PHLPP2: variants seen among roughly 807,000 people sequenced by gnomAD.
PHLPP2 encodes the protein PH domain leucine-rich repeat-containing protein phosphatase 2.
A neutral mutation model predicts 124.9 loss-of-function variants in PHLPP2; 66 were observed. That is an observed-to-expected ratio of 0.53 (90% CI 0.43 to 0.65). PHLPP2 has a LOEUF of 0.65. Among genes scored for constraint, PHLPP2 ranks in the 30% least tolerant of loss-of-function variants. PHLPP2 has a pLI of 0.00. For synonymous variants in PHLPP2, 681 were observed against 624.7 expected (o/e 1.09, Z -1.34); for missense variants, 1,685 against 1,600.4 (o/e 1.05, Z -0.90).
chr16:71,702,210 A>G (rs971174881), intron 3 of PHLPP2, among the ~76,000 whole-genome samples: 1 of 152,242 alleles, frequency 6.6e-6, no homozygotes, highest in African/African-American at 2.4e-5. Context: ...AGGTATACTC[A>G]TCAACGTCAA....
At chr16:71,703,555 G>C (rs1401914186) in intron 2 of PHLPP2, among the ~76,000 whole-genome samples, 2 of 151,954 alleles carry the variant, frequency 1.3e-5, no homozygotes, top group Non-Finnish European at 2.9e-5. Flanking sequence ...GGCTATAATA[G>C]TCATAATAGC....
At chr16:71,719,964 A>ATT (rs756642820) in intron 1 of PHLPP2, among the ~76,000 whole-genome samples, 31,936 of 53,068 alleles carry the variant, frequency 0.6, 10,833 homozygotes, top group South Asian at 0.79. Context: ...TGCCCAGCTA[A>ATT]TTTTTTTTTT....
At position 71,648,885 on chromosome 16, in the gene PHLPP2, G is replaced by GGTCACACACTGCTGTGTGTGCCCA. The variant is rs766925624; in HGVS notation, c.*4_*5insTGGGCACACACAGCAGTGTGTGAC. The stretch of plus-strand genomic sequence containing the variant: ...CCTCCTCCCACACTGTGCCCAGTGG[G>GGTCACACACTGCTGTGTGTGCCCA]GCAGTCATAGTGCTGTGTCGAACTC... On this transcript the variant is annotated 3_prime_UTR_variant, in exon 19 of 19. Coordinates refer to ENST00000568954, the MANE Select transcript of PHLPP2 (RefSeq NM_015020.3). The GGTCACACACTGCTGTGTGTGCCCA allele has an allele frequency of 2.5e-6, 4 of 1,606,712 alleles. No individual in the cohort carries two copies. The highest frequency in any genetic ancestry group is 3.4e-6 in the Non-Finnish European group (4 of 1,175,288).
chr16:71,700,869 G>A (rs1364518996), intron 3 of PHLPP2, among the ~76,000 whole-genome samples: 1 of 152,158 alleles, frequency 6.6e-6, no homozygotes, highest in Non-Finnish European at 1.5e-5. Context: ...AAGTAAAGGT[G>A]ACTTACAAAG....
intron 5 of PHLPP2, among the ~76,000 whole-genome samples, chr16:71,682,669 C>A (rs2045013722): frequency 1.3e-5 from 2 of 152,048 alleles, no homozygotes. Context: ...AAAAGACACT[C>A]AAAAAATATT....
At chr16:71,714,430 A>T in intron 2 of PHLPP2, 82 bp downstream of exon 2, 2 of 1,437,352 alleles carry the variant, frequency 1.4e-6, no homozygotes, top group South Asian at 3.2e-5. Flanking sequence ...GGCAGAATTA[A>T]AATCCTAAAG....
rs2045403804 is a variant in PHLPP2, at chr16:71,722,356, C to T, written c.-7+1973G>A. On this transcript the variant is annotated intron_variant, in intron 1 of 18. Transcript: ENST00000568954. ...GGCTGAGGCAGGAGAATCGCTTGAA[C>T]CCTGGAGGCAGAGGTTGCAGAGATC... Among the ~76,000 whole-genome samples, 4 of 152,134 alleles carry T rather than the reference C, an allele frequency of 2.6e-5. No individual in the cohort carries two copies. In the South Asian group the frequency reaches 8.3e-4, roughly 32 times the overall value.
At chr16:71,703,420 A>T (rs2045249736) in intron 2 of PHLPP2, among the ~76,000 whole-genome samples, 1 of 152,226 alleles carries the variant, frequency 6.6e-6, no homozygotes, top group South Asian at 2.1e-4. Context: ...AAGCTAAGGT[A>T]AAACCAGAAT....
chr16:71,692,704 G>A (rs2045127109), intron 3 of PHLPP2, among the ~76,000 whole-genome samples: 1 of 152,062 alleles, frequency 6.6e-6, no homozygotes, highest in African/African-American at 2.4e-5. Flanking sequence ...AAATGAAATG[G>A]TATTTGCATA....
chr16:71,685,862 G>A (rs934931445), intron 4 of PHLPP2, among the ~76,000 whole-genome samples: 2 of 152,142 alleles, frequency 1.3e-5, no homozygotes, highest in Non-Finnish European at 2.9e-5. Context: ...TACAGATGTT[G>A]AAATTATATT....
At position 71,667,331 on chromosome 16, in the gene PHLPP2, A is replaced by G. The variant is rs1357856279; in HGVS notation, c.1631T>C (p.Ile544Thr). 6.2e-7 allele frequency: 1 copy of G among 1,611,998 alleles called. No homozygotes were observed. The highest frequency in any genetic ancestry group is 1.7e-5 in the Admixed American group (1 of 59,866). ...YNLLTEVPVR[I>T]LSSLSLRKLM... ...TTTTCTAAGACTCAAGCTACTCAGA[A>G]TTCTAAGGGGGGAGCATACAAACAA... is the stretch of plus-strand genomic sequence containing the variant. Residue 544 changes from isoleucine (I) to threonine (T), a missense_variant and splice_region_variant, in exon 12 of 19, where the codon ATT becomes ACT. By Grantham distance (89) the Ile-to-Thr change is moderately conservative. Transcript: ENST00000568954.
At position 71,695,761 on chromosome 16, in the gene PHLPP2, G is replaced by A. The variant is rs548442664; in HGVS notation, c.419-5052C>T. On this transcript the variant is annotated intron_variant, in intron 3 of 18. Coordinates refer to ENST00000568954, the MANE Select transcript of PHLPP2 (RefSeq NM_015020.3). The stretch of plus-strand genomic sequence containing the variant: ...TACAGAAGATGGTTCTGCAAATGCT[G>A]ACAAGGTAAGATCTCCAAGACAAAC... 2.0e-5 allele frequency among the ~76,000 whole-genome samples: 3 copies of A among 150,756 alleles called. No homozygotes were observed. The South Asian group carries it at 6.3e-4, about 32-fold the overall frequency.
intron 4 of PHLPP2, among the ~76,000 whole-genome samples, chr16:71,689,385 C>CTTTTTTTTTTTTT (rs57755507): frequency 1.6e-5 from 1 of 62,528 alleles, no homozygotes; most frequent in Admixed American, 2.1e-4. Context: ...CTACACCTGG[C>CTTTTTTTTTTTTT]TTTTTTTTTT....
intron 15 of PHLPP2, among the ~76,000 whole-genome samples, chr16:71,657,360 G>A (rs890084108): frequency 6.6e-6 from 1 of 150,464 alleles, no homozygotes; most frequent in Non-Finnish European, 1.5e-5. Context: ...TTACAGGCGT[G>A]AGCCACCACG....
intron 10 of PHLPP2, among the ~76,000 whole-genome samples, 173 bp downstream of exon 10, chr16:71,672,089 C>T (rs1389529904): frequency 1.3e-5 from 2 of 152,176 alleles, no homozygotes; most frequent in Non-Finnish European, 2.9e-5. Flanking sequence ...GAGAATCCTT[C>T]CTTTATACAG....
At chr16:71,673,711 G>A (rs547431352) in intron 9 of PHLPP2, among the ~76,000 whole-genome samples, 4 of 151,978 alleles carry the variant, frequency 2.6e-5, no homozygotes, top group African/African-American at 9.7e-5. Context: ...AAATATTTAG[G>A]ACTGTGTGCC....
At chr16:71,669,653 T>G (rs1311726290) in intron 10 of PHLPP2, among the ~76,000 whole-genome samples, 1 of 152,192 alleles carries the variant, frequency 6.6e-6, no homozygotes, top group Non-Finnish European at 1.5e-5. Flanking sequence ...AAAAGCACAC[T>G]TGTGGTGGGA....
intron 2 of PHLPP2, among the ~76,000 whole-genome samples, chr16:71,706,216 T>A (rs1428438961): frequency 6.6e-6 from 1 of 152,240 alleles, no homozygotes; most frequent in Non-Finnish European, 1.5e-5. Flanking sequence ...AGACCTACTA[T>A]AGTCCATGTA....
intron 9 of PHLPP2, among the ~76,000 whole-genome samples, chr16:71,674,769 G>A (rs1410348176): frequency 1.3e-5 from 2 of 152,160 alleles, no homozygotes; most frequent in East Asian, 1.9e-4. Flanking sequence ...GGCTGAGGTG[G>A]GCAGCTAACT....
Sources: gnomAD v4.1 joint callset for allele counts (sites outside exome capture counted in the v4.1 genomes callset) on GRCh38, gnomAD v4.1.1 for gene constraint, MANE v1.5 for transcripts, NCBI Gene and HGNC (gene_info 2026-07-23, HGNC 2026-07-21) for gene names.